The following SEC14L1 variants were observed in gnomAD, a reference collection of about 807,000 sequenced individuals.
The protein encoded by SEC14L1 is SEC14 like lipid binding 1, also known as SEC14-like protein 1.
In SEC14L1, 48 loss-of-function variants were observed where a neutral mutation model predicts 85.3. That is an observed-to-expected ratio of 0.56 (90% CI 0.45 to 0.72). SEC14L1 has a LOEUF of 0.72. Among genes scored for constraint, SEC14L1 ranks in the 30% least tolerant of loss-of-function variants. The pLI is 0.00. For missense variants in SEC14L1, 682 were observed against 921.4 expected (o/e 0.74, Z 3.36); for synonymous variants, 391 against 355.5 (o/e 1.10, Z -1.12).
At chr17:77,153,352 C>T (rs1465126428) in intron 3 of SEC14L1, among the ~76,000 whole-genome samples, 1 of 152,214 alleles carries the variant, frequency 6.6e-6, no homozygotes, top group Non-Finnish European at 1.5e-5. Context: ...CAGGCGTGAA[C>T]CACTGAGCCT....
chr17:77,164,621 G>A (rs1003690614), intron 3 of SEC14L1, among the ~76,000 whole-genome samples: 1 of 152,130 alleles, frequency 6.6e-6, no homozygotes, highest in Non-Finnish European at 1.5e-5. Context: ...ATGCCTCCCC[G>A]GTTTGTGTCT....
At chr17:77,140,131 GCTC>G (rs1056528644), upstream of SEC14L1, among the ~76,000 whole-genome samples, 14 of 152,192 alleles carry the variant, frequency 9.2e-5, no homozygotes, top group African/African-American at 2.9e-4. Flanking sequence ...CTAGTCATGA[GCTC>G]CTCTTAAGGA....
At chr17:77,140,551 G>C (rs1330014143), upstream of SEC14L1, among the ~76,000 whole-genome samples, 1 of 152,220 alleles carries the variant, frequency 6.6e-6, no homozygotes, top group Non-Finnish European at 1.5e-5. Flanking sequence ...GGAGGGCCCC[G>C]GTGGTTTTGA....
intron 14 of SEC14L1, 53 bp from the exon 15 acceptor site, chr17:77,211,897 A>T: frequency 6.3e-7 from 1 of 1,598,886 alleles, no homozygotes; most frequent in South Asian, 1.1e-5. Context: ...CGCTCGCAGC[A>T]TGCCGGCCTG....
intron 3 of SEC14L1, among the ~76,000 whole-genome samples, chr17:77,122,852 C>T (rs749251414): frequency 1.3e-5 from 2 of 152,194 alleles, no homozygotes; most frequent in East Asian, 3.9e-4. Context: ...CCCCGTGTCT[C>T]CTCCATCACA....
intron 3 of SEC14L1, among the ~76,000 whole-genome samples, chr17:77,177,874 A>G (rs2143720849): frequency 6.6e-6 from 1 of 152,304 alleles, no homozygotes; most frequent in Non-Finnish European, 1.5e-5. Context: ...GACCAGGAAC[A>G]ATTTTGACAG....
intron 3 of SEC14L1, among the ~76,000 whole-genome samples, chr17:77,108,662 CTG>C (rs1231187151): frequency 6.6e-6 from 1 of 151,590 alleles, no homozygotes; most frequent in African/African-American, 2.4e-5. Context: ...TCGCTTGAAC[CTG>C]GGAGGCGGAA....
At chr17:77,192,183 A>T (rs899378907) in intron 5 of SEC14L1, among the ~76,000 whole-genome samples, 1 of 152,208 alleles carries the variant, frequency 6.6e-6, no homozygotes, top group African/African-American at 2.4e-5. Flanking sequence ...GTGTGCCTTT[A>T]AGAATAGTGC....
chr17:77,212,215 C>G lies in SEC14L1; in HGVS notation c.1863+14C>G, dbSNP rs1976792061. ...GAAAGCGTGCAGGTAAAATCACACA[C>G]AGGTCAAATCGCGCATCCGTGACTC... is the stretch of plus-strand genomic sequence containing the variant. On this transcript the variant is annotated intron_variant, in intron 15 of 16. Coordinates refer to ENST00000436233, the MANE Select transcript of SEC14L1 (RefSeq NM_001143998.2). The G allele has an allele frequency of 6.2e-7, 1 of 1,612,124 alleles. No individual in the cohort carries two copies. The highest frequency in any genetic ancestry group is 8.5e-7 in the Non-Finnish European group (1 of 1,179,086).
chr17:77,102,403 C>T (rs2585850), intron 3 of SEC14L1, among the ~76,000 whole-genome samples: 33,123 of 152,236 alleles, frequency 0.22, 3,743 homozygotes, highest in South Asian at 0.41. Flanking sequence ...CTCATTTAAC[C>T]ACTTGAAAGC....
intron 3 of SEC14L1, among the ~76,000 whole-genome samples, chr17:77,169,407 A>G (rs1974433074): frequency 6.6e-6 from 1 of 152,154 alleles, no homozygotes; most frequent in Admixed American, 6.5e-5. Flanking sequence ...GAGATTTTGA[A>G]AGAGACTTAC....
rs1063381 is a variant in SEC14L1 at position 77,215,540 on chromosome 17, G to A, written c.*1517G>A. 139 of 986,638 alleles carry A rather than the reference G, an allele frequency of 1.4e-4. No individual in the cohort carries two copies. Among genetic ancestry groups the A allele is most frequent in the African/African-American group, 8.4e-4 (48 of 57,306 alleles). The allele number at this position is 986,638 out of a possible 1,614,324, so 61.1% of individuals were successfully genotyped here. ...TGCCCCGTGCAGGGATCAGGAGGGC[G>A]GGGGAGGGACCGAGCAGCCCTCTTG... On this transcript the variant is annotated 3_prime_UTR_variant, in exon 17 of 17. Transcript: ENST00000436233.
At chr17:77,165,118 G>C (rs1383979613) in intron 3 of SEC14L1, among the ~76,000 whole-genome samples, 2 of 152,162 alleles carry the variant, frequency 1.3e-5, no homozygotes, top group African/African-American at 2.4e-5. Context: ...CCACTTGACT[G>C]ATATTTATCT....
intron 3 of SEC14L1, 49 bp downstream of exon 3, chr17:77,143,708 TAC>T: frequency 7.5e-7 from 1 of 1,335,974 alleles, no homozygotes; most frequent in Non-Finnish European, 1.1e-6. Context: ...ATTTATAAAG[TAC>T]AGTGTTAGAA....
Position 77,191,143 on chromosome 17 carries a change from T to C in SEC14L1, c.214-38T>C, listed in dbSNP as rs755435175. 3 of 1,597,336 alleles carry C rather than the reference T, an allele frequency of 1.9e-6. No individual in the cohort carries two copies. In the South Asian group the frequency reaches 3.3e-5, roughly 18 times the overall value. On this transcript the variant is annotated intron_variant, in intron 4 of 16. Coordinates refer to ENST00000436233, the MANE Select transcript of SEC14L1 (RefSeq NM_001143998.2). ...CTATAGCTTCTGTGCTATTGGTTGT[T>C]ATTAATAAACCCATTTCTCTTTCTT...
Position 77,206,932 on chromosome 17 carries a change from A to G in SEC14L1, c.1476+70A>G. 1 of 1,393,650 alleles carries G rather than the reference A, an allele frequency of 7.2e-7. No homozygotes were observed. Among genetic ancestry groups the G allele is most frequent in the Non-Finnish European group, 9.5e-7 (1 of 1,052,016 alleles). 86.3% of individuals were successfully genotyped at this position (1,393,650 alleles called of 1,614,324 possible). Reference sequence around the variant, plus strand: ...GTGGGAGAGGTCGGTGTCGATTTGCACAAATGATTTTCAGAACTTCCAGTT... The same window carrying G: ...GTGGGAGAGGTCGGTGTCGATTTGCGCAAATGATTTTCAGAACTTCCAGTT... On this transcript the variant is annotated intron_variant, in intron 13 of 16. Transcript: ENST00000436233. The surrounding 1 kb of genome is among the most constrained non-coding windows in gnomAD (Gnocchi z 4.3).
At chr17:77,089,476 A>G (rs2143254919) in intron 2 of SEC14L1, 2 of 518,478 alleles carry the variant, frequency 3.9e-6, no homozygotes, top group South Asian at 1.4e-5. Context: ...ATGATCATGT[A>G]TGATACTGCA....
chr17:77,172,209 C>T (rs979450953), intron 3 of SEC14L1, among the ~76,000 whole-genome samples: 2 of 151,952 alleles, frequency 1.3e-5, no homozygotes, highest in East Asian at 3.9e-4. Context: ...TGGGTCCCAC[C>T]TCTAAATTTA....
chr17:77,168,503 A>C (rs1196155525), intron 3 of SEC14L1, among the ~76,000 whole-genome samples: 4 of 152,200 alleles, frequency 2.6e-5, no homozygotes, highest in Non-Finnish European at 5.9e-5. Context: ...AAGAGAGGTT[A>C]ATATTGAAGT....
Sources: gnomAD v4.1 joint callset for allele counts (sites outside exome capture counted in the v4.1 genomes callset) on GRCh38, gnomAD v4.1.1 for gene constraint, Gnocchi (gnomAD v3.1) non-coding constraint, MANE v1.5 for transcripts, NCBI Gene and HGNC (gene_info 2026-07-23, HGNC 2026-07-21) for gene names.